The following CFAP95 variants were observed in gnomAD, a reference collection of about 807,000 sequenced individuals.
CFAP95 encodes the protein cilia and flagella associated protein 95, also known as cilia- and flagella-associated protein 95.
the CFAP95 span, among the ~76,000 whole-genome samples, chr9:69,855,118 T>G: frequency 6.6e-6 from 1 of 152,174 alleles, no homozygotes; most frequent in African/African-American, 2.4e-5. Flanking sequence ...ACTCAGAGGG[T>G]TGCTTTGAGA....
the CFAP95 span, chr9:69,906,061 G>A: frequency 6.2e-7 from 1 of 1,613,326 alleles, no homozygotes; most frequent in South Asian, 1.1e-5. Flanking sequence ...GGCATGATGA[G>A]AGTGGGATTT....
the CFAP95 span, among the ~76,000 whole-genome samples, chr9:69,827,764 G>C: frequency 3.9e-5 from 6 of 152,178 alleles, no homozygotes; most frequent in Admixed American, 3.3e-4. Context: ...GTCTCTTGCA[G>C]GGGACTACAG....
the CFAP95 span, among the ~76,000 whole-genome samples, chr9:69,893,895 A>G: frequency 6.6e-6 from 1 of 152,144 alleles, no homozygotes; most frequent in Non-Finnish European, 1.5e-5. Flanking sequence ...AATAATTGCC[A>G]TTTGCTTATT....
chr9:69,855,323 A>G, the CFAP95 span, among the ~76,000 whole-genome samples: 1 of 152,214 alleles, frequency 6.6e-6, no homozygotes, highest in Non-Finnish European at 1.5e-5. Flanking sequence ...AAATCATCAG[A>G]GCATATCTAA....
chr9:69,899,994 C>A, the CFAP95 span, among the ~76,000 whole-genome samples: 2 of 152,116 alleles, frequency 1.3e-5, no homozygotes, highest in Non-Finnish European at 2.9e-5. Context: ...TACAGGTGGT[C>A]CCTGACTTAC....
chr9:69,866,481 C>A, the CFAP95 span, among the ~76,000 whole-genome samples: 2 of 152,108 alleles, frequency 1.3e-5, no homozygotes, highest in East Asian at 3.9e-4. Flanking sequence ...GCTCAGATGT[C>A]CAAGGTCAAG....
chr9:69,886,922 C>T, the CFAP95 span: 12 of 1,573,182 alleles, frequency 7.6e-6, no homozygotes, highest in East Asian at 2.7e-4. Context: ...TAGTCTTCTA[C>T]CTATTTGTGT....
the CFAP95 span, among the ~76,000 whole-genome samples, chr9:69,878,996 C>T: frequency 2.2e-4 from 34 of 152,026 alleles, no homozygotes; most frequent in African/African-American, 5.8e-4. Context: ...CCAGATAGTG[C>T]GAGAACTCAC....
At chr9:69,833,405 T>C in the CFAP95 span, among the ~76,000 whole-genome samples, 1 of 152,234 alleles carries the variant, frequency 6.6e-6, no homozygotes, top group South Asian at 2.1e-4. Flanking sequence ...TTTCGCCATG[T>C]TGGGCAGGCT....
the CFAP95 span, among the ~76,000 whole-genome samples, chr9:69,843,504 CCCCTCCTCCTCCTCCTCCTCCTCCTCCT>C: frequency 8.2e-4 from 6 of 7,310 alleles, 1 homozygote; most frequent in African/African-American, 2.3e-3. Context: ...TCCTCCTCCC[CCCCTCCTCCTCCTCCTCCTCCTCCTCCT>C]CCTCCTCCTC....
At chr9:69,845,963 T>C in the CFAP95 span, among the ~76,000 whole-genome samples, 4 of 152,160 alleles carry the variant, frequency 2.6e-5, no homozygotes, top group Non-Finnish European at 5.9e-5. Context: ...CCCAACTCAG[T>C]CAACATCCAC....
chr9:69,875,485 G>A, the CFAP95 span, among the ~76,000 whole-genome samples: 15 of 152,182 alleles, frequency 9.9e-5, no homozygotes, highest in African/African-American at 3.6e-4. Flanking sequence ...ACTCTGTGCT[G>A]GGAGGTGATA....
At chr9:69,840,095 T>C in the CFAP95 span, among the ~76,000 whole-genome samples, 1 of 151,524 alleles carries the variant, frequency 6.6e-6, no homozygotes, top group Admixed American at 6.6e-5. Flanking sequence ...AAAAAAAGAT[T>C]GATCATTTTT....
the CFAP95 span, among the ~76,000 whole-genome samples, chr9:69,872,773 C>G: frequency 3.9e-5 from 6 of 152,074 alleles, no homozygotes; most frequent in Non-Finnish European, 5.9e-5. Flanking sequence ...TCAATTGAGC[C>G]TAGAAGTTCA....
the CFAP95 span, among the ~76,000 whole-genome samples, chr9:69,856,354 T>G: frequency 1.3e-5 from 2 of 152,196 alleles, no homozygotes; most frequent in African/African-American, 4.8e-5. Context: ...AATTTGCTTT[T>G]TATTTCCCAA....
At chr9:69,880,705 C>T in the CFAP95 span, among the ~76,000 whole-genome samples, 1 of 152,120 alleles carries the variant, frequency 6.6e-6, no homozygotes, top group African/African-American at 2.4e-5. Context: ...CATATGATAG[C>T]TCAATTGTTA....
the CFAP95 span, among the ~76,000 whole-genome samples, chr9:69,905,675 A>G: frequency 6.6e-6 from 1 of 152,112 alleles, no homozygotes; most frequent in Non-Finnish European, 1.5e-5. Flanking sequence ...ATTGTTCTTT[A>G]TGCTGTGTAT....
the CFAP95 span, among the ~76,000 whole-genome samples, chr9:69,834,743 T>A: frequency 6.6e-6 from 1 of 152,242 alleles, no homozygotes; most frequent in African/African-American, 2.4e-5. Context: ...CATCAAATGG[T>A]TTCCTTTTGA....
chr9:69,900,804 G>C, the CFAP95 span, among the ~76,000 whole-genome samples: 1 of 152,204 alleles, frequency 6.6e-6, no homozygotes, highest in African/African-American at 2.4e-5. Context: ...TGAAAGGAAA[G>C]GGCCATCTGA....
Sources: gnomAD v4.1 joint callset for allele counts (sites outside exome capture counted in the v4.1 genomes callset) on GRCh38, gnomAD v4.1.1 for gene constraint, MANE v1.5 for transcripts, NCBI Gene and HGNC (gene_info 2026-07-23, HGNC 2026-07-21) for gene names.